The following RBFOX1 variants were observed in gnomAD, a reference collection of about 807,000 sequenced individuals.
RBFOX1 encodes RNA binding fox-1 homolog 1.
A neutral mutation model predicts 57.7 loss-of-function variants in RBFOX1; 8 were observed. The observed-to-expected ratio is 0.14, with a 90% CI of 0.08 to 0.25. The LOEUF is 0.25. RBFOX1 is among the 10% of genes least tolerant of loss of function. The probability of loss-of-function intolerance (pLI) is 1.00; values close to 1 mark genes in which losing one functional copy is unlikely to be tolerated. For synonymous variants in RBFOX1, 326 were observed against 222.4 expected, an observed-to-expected ratio of 1.47 and a Z score of -4.15; for missense variants, 611 against 548.5, an observed-to-expected ratio of 1.11 and a Z score of -1.14.
intron 4 of RBFOX1, among the ~76,000 whole-genome samples, chr16:7,071,899 G>A (rs116320274): frequency 0.01 from 1,535 of 152,122 alleles, 30 homozygotes; most frequent in African/African-American, 0.035. Context: ...GAGACCAGAA[G>A]CTCAGCTGTT....
Position 6,443,401 on chromosome 16 carries a change from C to G in RBFOX1, c.-64+126344C>G, listed in dbSNP as rs537105022. On this transcript the variant is annotated intron_variant, in intron 2 of 15. Transcript: ENST00000550418. ...TCTGTTGCTCATTTTCCCATCCCCC[C>G]CATCCTGGCCAAGCATGCCTTGTTT... Among the ~76,000 whole-genome samples, 20 of 152,308 alleles carry G rather than the reference C, an allele frequency of 1.3e-4. No individual in the cohort carries two copies. The East Asian group carries it at 2.5e-3, about 19-fold the overall frequency.
At chr16:5,312,044 G>A (rs2064105139) in intron 1 of RBFOX1, among the ~76,000 whole-genome samples, 3 of 152,194 alleles carry the variant, frequency 2.0e-5, no homozygotes, top group Admixed American at 2.0e-4. Flanking sequence ...ATACCTAGAA[G>A]GGGCTCAGGA....
intron 4 of RBFOX1, among the ~76,000 whole-genome samples, chr16:7,299,787 T>C (rs1343200891): frequency 6.6e-6 from 1 of 152,184 alleles, no homozygotes; most frequent in Non-Finnish European, 1.5e-5. Flanking sequence ...CCCTAGTAGA[T>C]TGACCCAAGA....
At chr16:6,275,216 C>T (rs1176564171) in intron 1 of RBFOX1, among the ~76,000 whole-genome samples, 6 of 151,836 alleles carry the variant, frequency 4.0e-5, no homozygotes, top group Admixed American at 6.6e-5. Flanking sequence ...GAGGCTGAGG[C>T]AGGAGAAGGG....
At chr16:6,356,722 C>T (rs1275085674) in intron 2 of RBFOX1, among the ~76,000 whole-genome samples, 1 of 152,132 alleles carries the variant, frequency 6.6e-6, no homozygotes, top group African/African-American at 2.4e-5. Flanking sequence ...AGGAAAAGGA[C>T]ATTAGGCGAA....
chr16:7,512,861 G>A (rs903017875), intron 4 of RBFOX1, among the ~76,000 whole-genome samples: 9 of 152,224 alleles, frequency 5.9e-5, no homozygotes, highest in Non-Finnish European at 1.2e-4. Flanking sequence ...GGAATTGCTG[G>A]CATATTTGAA....
At chr16:5,435,155 G>T (rs1333244223) in intron 1 of RBFOX1, among the ~76,000 whole-genome samples, 1 of 152,228 alleles carries the variant, frequency 6.6e-6, no homozygotes, top group Non-Finnish European at 1.5e-5. Context: ...CAACTCACCT[G>T]ATTCTTCCCT....
At chr16:5,763,575 T>C (rs2151651690) in intron 3 of RBFOX1, among the ~76,000 whole-genome samples, 1 of 152,232 alleles carries the variant, frequency 6.6e-6, no homozygotes, top group East Asian at 1.9e-4. Flanking sequence ...CATAATTGCT[T>C]TTCATTTTAT....
intron 5 of RBFOX1, among the ~76,000 whole-genome samples, chr16:7,572,244 C>G (rs2092857703): frequency 6.6e-6 from 1 of 152,134 alleles, no homozygotes; most frequent in South Asian, 2.1e-4. Flanking sequence ...TCTAAAGCAT[C>G]CAGGACAAGT....
intron 3 of RBFOX1, among the ~76,000 whole-genome samples, chr16:6,921,636 TATATATATA>T (rs2074465928): frequency 3.2e-5 from 2 of 61,908 alleles, no homozygotes; most frequent in African/African-American, 1.3e-4. Context: ...TATATATATA[TATATATATA>T]TTTTTTTTTT....
chr16:5,606,794 G>A (rs1287381489), intron 3 of RBFOX1, among the ~76,000 whole-genome samples: 4 of 152,014 alleles, frequency 2.6e-5, no homozygotes, highest in Admixed American at 6.5e-5. Flanking sequence ...TCGTAACACT[G>A]ATTGCAGGAG....
intron 1 of RBFOX1, among the ~76,000 whole-genome samples, chr16:5,430,423 G>C (rs775731437): frequency 4.6e-5 from 7 of 152,202 alleles, no homozygotes; most frequent in Non-Finnish European, 8.8e-5. Context: ...CTGAAACATG[G>C]TGAGACAGGG....
At chr16:5,432,808 C>A (rs570308964) in intron 1 of RBFOX1, among the ~76,000 whole-genome samples, 1 of 151,690 alleles carries the variant, frequency 6.6e-6, no homozygotes, top group African/African-American at 2.4e-5. Flanking sequence ...TTTTTTAAGA[C>A]AGGGTCTTAC....
intron 3 of RBFOX1, among the ~76,000 whole-genome samples, chr16:7,027,406 G>A (rs1425417182): frequency 6.6e-6 from 1 of 152,122 alleles, no homozygotes; most frequent in African/African-American, 2.4e-5. Flanking sequence ...AACCCTGTAA[G>A]TTAGACACCC....
At chr16:5,700,504 T>C (rs1392509265) in intron 3 of RBFOX1, among the ~76,000 whole-genome samples, 1 of 152,232 alleles carries the variant, frequency 6.6e-6, no homozygotes, top group African/African-American at 2.4e-5. Flanking sequence ...AATAATATTT[T>C]CTTCTATGTC....
intron 2 of RBFOX1, among the ~76,000 whole-genome samples, chr16:6,584,846 T>C (rs1390595668): frequency 6.6e-6 from 1 of 152,196 alleles, no homozygotes; most frequent in African/African-American, 2.4e-5. Flanking sequence ...CGATGTCTCA[T>C]GCTGAGCTAT....
intron 4 of RBFOX1, among the ~76,000 whole-genome samples, chr16:7,240,380 A>G (rs1282102582): frequency 6.6e-6 from 1 of 152,234 alleles, no homozygotes; most frequent in Non-Finnish European, 1.5e-5. Flanking sequence ...ATACTTGTAT[A>G]TCACCATCTG....
chr16:7,301,823 G>C (rs1334009320), intron 4 of RBFOX1, among the ~76,000 whole-genome samples: 1 of 152,218 alleles, frequency 6.6e-6, no homozygotes, highest in Non-Finnish European at 1.5e-5. Context: ...ATGGGAAAGG[G>C]AGAGTGAGGA....
At chr16:5,769,081 A>G (rs1202402516) in intron 3 of RBFOX1, among the ~76,000 whole-genome samples, 1 of 152,204 alleles carries the variant, frequency 6.6e-6, no homozygotes, top group Non-Finnish European at 1.5e-5. Context: ...AAAAAGAAAA[A>G]AAAAAGAGTC....
Sources: allele counts gnomAD v4.1 joint callset (sites outside exome capture counted in the v4.1 genomes callset), GRCh38; gene constraint gnomAD v4.1.1; transcripts MANE v1.5; gene names NCBI Gene and HGNC (gene_info 2026-07-23, HGNC 2026-07-21).